RBBP5: variants seen among roughly 807,000 people sequenced by gnomAD.
RBBP5 encodes retinoblastoma-binding protein 5.
Under a neutral mutation model 72.2 loss-of-function variants are expected in RBBP5, and 5 were observed. The observed-to-expected ratio is 0.07, with a 90% CI of 0.04 to 0.15. The LOEUF (loss-of-function observed/expected upper bound fraction) is 0.15, where lower values mean the gene tolerates loss of function less well. Ranked by LOEUF, RBBP5 falls within the 10% of genes least tolerant of loss-of-function variation. The pLI is 1.00. For missense variants in RBBP5, 322 were observed against 652.2 expected (o/e 0.49, Z 5.51); for synonymous variants, 209 against 237.2 (o/e 0.88, Z 1.09).
At chr1:205,105,305 A>C in intron 3 of RBBP5, 137 bp from the exon 4 acceptor site, 1 of 920,178 alleles carries the variant, frequency 1.1e-6, no homozygotes, top group Non-Finnish European at 1.6e-6. Context: ...ACGTATACTC[A>C]AATCCATAAG....
At chr1:205,100,348 G>A (rs946184373) in intron 6 of RBBP5, 77 bp from the exon 7 acceptor site, 5 of 1,519,902 alleles carry the variant, frequency 3.3e-6, no homozygotes, top group Non-Finnish European at 3.5e-6. Context: ...TAATAAACTA[G>A]GGAAGAATTG....
chr1:205,121,306 AC>A (rs1345944807), intron 1 of RBBP5, among the ~76,000 whole-genome samples: 1 of 152,190 alleles, frequency 6.6e-6, no homozygotes, highest in Non-Finnish European at 1.5e-5. Flanking sequence ...CTAGCAAAGG[AC>A]CTTAAACAGA....
In RBBP5 at chr1:205,099,167, T is replaced by C; in HGVS notation, c.979-61A>G. 1 of 975,100 alleles carries C rather than the reference T, an allele frequency of 1.0e-6. No individual in the cohort carries two copies. The highest frequency in any genetic ancestry group is 1.5e-6 in the Non-Finnish European group (1 of 678,482). 60.4% of individuals were successfully genotyped at this position (975,100 alleles called of 1,614,324 possible). A position where few individuals can be genotyped will look rare whatever the true frequency, so the allele number is the denominator to read the frequency against. On this transcript the variant is annotated intron_variant, in intron 9 of 13. Transcript: ENST00000264515. This position sits in a 1 kb window ranked among gnomAD's most constrained non-coding sequence, Gnocchi z 4.7. ...AAGCAATAATCTGTAATCTACACAT[T>C]AATGATAAAATGAAAGATGTGAGCA...
intron 10 of RBBP5, among the ~76,000 whole-genome samples, chr1:205,097,765 G>A (rs976469038): frequency 1.4e-4 from 21 of 152,210 alleles, no homozygotes; most frequent in African/African-American, 4.8e-4. Flanking sequence ...CTATAATCTA[G>A]AACATTCTAC....
At chr1:205,121,438 T>G (rs978674214) in intron 1 of RBBP5, among the ~76,000 whole-genome samples, 2 of 152,222 alleles carry the variant, frequency 1.3e-5, no homozygotes, top group Non-Finnish European at 2.9e-5. Flanking sequence ...GATCTCCAAG[T>G]CCCCTCCTTA....
chr1:205,118,227 T>G (rs1205080621), intron 1 of RBBP5, among the ~76,000 whole-genome samples: 6 of 152,286 alleles, frequency 3.9e-5, no homozygotes, highest in African/African-American at 1.4e-4. Context: ...GCAAAAGTGG[T>G]ATCTTATTTC....
At chr1:205,095,711 C>T (rs1049452952) in intron 12 of RBBP5, among the ~76,000 whole-genome samples, 5 of 152,200 alleles carry the variant, frequency 3.3e-5, no homozygotes, top group African/African-American at 1.2e-4. Context: ...GGCAAGTTTA[C>T]AGAACCTCTT....
At chr1:205,108,046 C>CGG (rs1656150018) in intron 3 of RBBP5, among the ~76,000 whole-genome samples, 3 of 151,428 alleles carry the variant, frequency 2.0e-5, no homozygotes, top group Non-Finnish European at 4.4e-5. Flanking sequence ...AGATCGAGAC[C>CGG]ATCCTGGTCA....
At chr1:205,103,218 C>A (rs1338999669) in intron 5 of RBBP5, among the ~76,000 whole-genome samples, 2 of 92,878 alleles carry the variant, frequency 2.2e-5, no homozygotes, top group Admixed American at 1.3e-4. Context: ...AGTGAGACTC[C>A]ATCTCAAAAA....
intron 3 of RBBP5, among the ~76,000 whole-genome samples, chr1:205,106,934 T>C (rs1274099024): frequency 6.6e-6 from 1 of 151,508 alleles, no homozygotes. Context: ...ATAAACTCAA[T>C]AGATGAATTC....
At chr1:205,091,234 T>TCTTGGGCAATC (rs1238008666) in intron 13 of RBBP5, 1 of 152,300 alleles carries the variant, frequency 6.6e-6, no homozygotes, top group Non-Finnish European at 1.5e-5. Flanking sequence ...GAGCCCTAGC[T>TCTTGGGCAATC]CTTGGGCAAT....
chr1:205,118,166 C>G (rs4509642), intron 1 of RBBP5, among the ~76,000 whole-genome samples: 1 of 152,002 alleles, frequency 6.6e-6, no homozygotes, highest in Non-Finnish European at 1.5e-5. Flanking sequence ...TTGTGGTTCC[C>G]TATTATACAC....
intron 3 of RBBP5, 117 bp from the exon 4 acceptor site, chr1:205,105,285 G>T: frequency 8.1e-7 from 1 of 1,236,640 alleles, no homozygotes; most frequent in Non-Finnish European, 1.1e-6. Flanking sequence ...AATGTTTTTG[G>T]TTTTGTTCCA....
intron 1 of RBBP5, among the ~76,000 whole-genome samples, chr1:205,120,056 T>C (rs1241401427): frequency 6.6e-6 from 1 of 152,198 alleles, no homozygotes; most frequent in Non-Finnish European, 1.5e-5. Context: ...GCATCATTAT[T>C]TGCTCTCACC....
Position 205,121,435 on chromosome 1 carries a change from A to C in RBBP5, c.19+420T>G, listed in dbSNP as rs556898032. Among the ~76,000 whole-genome samples, 3 of 152,360 alleles carry C rather than the reference A, an allele frequency of 2.0e-5. No homozygotes were observed. In the East Asian group the frequency reaches 5.8e-4, roughly 29 times the overall value. On this transcript the variant is annotated intron_variant, in intron 1 of 13. Transcript: ENST00000264515. ...GAGAAGCTTCTACCAGAAGATCTCCAAGTCCCCTCCTTAGACTTCTCTTTT... is the reference window on the plus strand; with the variant it reads ...GAGAAGCTTCTACCAGAAGATCTCCCAGTCCCCTCCTTAGACTTCTCTTTT...
chr1:205,114,600 T>A (rs959270187), intron 3 of RBBP5, among the ~76,000 whole-genome samples, 189 bp downstream of exon 3: 1 of 152,172 alleles, frequency 6.6e-6, no homozygotes, highest in African/African-American at 2.4e-5. Context: ...CATAATACAA[T>A]GAATTTCTCC....
intron 11 of RBBP5, 104 bp from the exon 12 acceptor site, chr1:205,097,015 T>C: frequency 3.9e-6 from 4 of 1,014,774 alleles, no homozygotes; most frequent in Non-Finnish European, 5.8e-6. Context: ...GCAACAGGTA[T>C]GGATCTAGAA....
In RBBP5 at chr1:205,088,571, A is replaced by G; in HGVS notation, c.*216T>C. 1 of 512,564 alleles carries G rather than the reference A, an allele frequency of 2.0e-6. No individual in the cohort carries two copies. The highest frequency in any genetic ancestry group is 4.1e-5 in the Admixed American group (1 of 24,148). The allele number at this position is 512,564 out of a possible 1,614,324, so 31.8% of individuals were successfully genotyped here. On this transcript the variant is annotated 3_prime_UTR_variant, in exon 14 of 14. Coordinates refer to ENST00000264515, the MANE Select transcript of RBBP5 (RefSeq NM_005057.4). ...GTCTTCACAAATCTTCATTCCTGAG[A>G]GTCTATTTGGACTTATGCTTGAAAG...
At chr1:205,103,677 C>T (rs1328018856) in intron 5 of RBBP5, among the ~76,000 whole-genome samples, 180 bp downstream of exon 5, 1 of 152,156 alleles carries the variant, frequency 6.6e-6, no homozygotes, top group African/African-American at 2.4e-5. Context: ...TAATCTCTAT[C>T]ACTCTAAATC....
Sources: gnomAD v4.1 joint callset for allele counts (sites outside exome capture counted in the v4.1 genomes callset) on GRCh38, gnomAD v4.1.1 for gene constraint, Gnocchi (gnomAD v3.1) non-coding constraint, MANE v1.5 for transcripts, NCBI Gene and HGNC (gene_info 2026-07-23, HGNC 2026-07-21) for gene names.